Variants in NDST4 observed in about 807,000 individuals in gnomAD.
The protein encoded by NDST4 is N-heparan sulfate sulfotransferase 4.
NDST4 carries 63 observed loss-of-function variants against 100.8 expected under a neutral mutation model. The ratio of observed to expected loss-of-function variants is 0.62; its 90% CI spans 0.51 to 0.77. The LOEUF is 0.77. Among genes scored for constraint, NDST4 ranks in the 30% least tolerant of loss-of-function variants. NDST4 has a pLI of 0.00. For synonymous variants in NDST4, 377 were observed against 361.8 expected (o/e 1.04, Z -0.48); for missense variants, 943 against 1,018.4 (o/e 0.93, Z 1.01).
intron 7 of NDST4, among the ~76,000 whole-genome samples, chr4:114,868,563 C>T (rs1452597124): frequency 6.6e-6 from 1 of 151,934 alleles, no homozygotes; most frequent in Admixed American, 6.6e-5. Context: ...GAATAATTCT[C>T]CCTTTAACTT....
chr4:114,979,845 C>T (rs545822382), intron 2 of NDST4, among the ~76,000 whole-genome samples: 26 of 151,484 alleles, frequency 1.7e-4, no homozygotes, highest in African/African-American at 4.6e-4. Flanking sequence ...AAAAACAAAA[C>T]GAATGAAAAA....
chr4:115,003,736 C>T (rs1322066073), intron 2 of NDST4, among the ~76,000 whole-genome samples: 5 of 151,714 alleles, frequency 3.3e-5, no homozygotes, highest in African/African-American at 7.3e-5. Context: ...GGCACGGTGG[C>T]GGGCACCTGT....
chr4:115,011,950 A>C (rs1727556079), intron 2 of NDST4, among the ~76,000 whole-genome samples: 3 of 151,942 alleles, frequency 2.0e-5, no homozygotes, highest in African/African-American at 7.2e-5. Context: ...TAAATTTTAC[A>C]AATAGGATAC....
At chr4:114,917,156 C>A (rs1017355781) in intron 6 of NDST4, among the ~76,000 whole-genome samples, 1 of 152,024 alleles carries the variant, frequency 6.6e-6, no homozygotes, top group Non-Finnish European at 1.5e-5. Flanking sequence ...ACTTATAATA[C>A]CTAATAAAAT....
At chr4:115,052,062 A>G (rs1411833574) in intron 2 of NDST4, among the ~76,000 whole-genome samples, 1 of 152,058 alleles carries the variant, frequency 6.6e-6, no homozygotes, top group Non-Finnish European at 1.5e-5. Context: ...TATACCTGTT[A>G]GTCATTTGTA....
intron 6 of NDST4, among the ~76,000 whole-genome samples, chr4:114,918,320 A>G (rs1043512231): frequency 6.8e-6 from 1 of 147,870 alleles, no homozygotes; most frequent in Non-Finnish European, 1.5e-5. Context: ...AAGATGTTGT[A>G]AAAGTGTGTC....
At chr4:115,106,300 C>A in intron 1 of NDST4, among the ~76,000 whole-genome samples, 1 of 152,046 alleles carries the variant, frequency 6.6e-6, no homozygotes. Context: ...TTAATGCATT[C>A]TAAGTTTGTA....
At position 115,025,105 on chromosome 4, in the gene NDST4, C is replaced by A. The variant is rs191024654; in HGVS notation, c.979-47831G>T. 4.6e-5 allele frequency among the ~76,000 whole-genome samples: 7 copies of A among 152,248 alleles called. No individual in the cohort carries two copies. The East Asian group carries it at 1.4e-3, about 30-fold the overall frequency. On this transcript the variant is annotated intron_variant, in intron 2 of 13. Transcript: ENST00000264363. ...TAAATTTCTGTTCATTATAAATTAC[C>A]GAGTCTTGTTATTCTGTAATAGCAG... is the stretch of plus-strand genomic sequence containing the variant.
chr4:114,882,555 G>A (rs1724392305), intron 6 of NDST4, among the ~76,000 whole-genome samples: 1 of 151,744 alleles, frequency 6.6e-6, no homozygotes. Flanking sequence ...GAGAGGTAAA[G>A]AGAAACTTCC....
In NDST4 at chr4:114,871,370, T is replaced by C. The variant is rs139132305; in HGVS notation, c.1537-420A>G. ...ATCAGATTCAAGAAAACGTGTTTCT[T>C]TGTGGTCTAATTAAACGAATTTTAT... On this transcript the variant is annotated intron_variant, in intron 6 of 13. Coordinates refer to ENST00000264363, the MANE Select transcript of NDST4 (RefSeq NM_022569.3). 5.4e-3 allele frequency among the ~76,000 whole-genome samples: 827 copies of C among 152,222 alleles called. 1 individual carries two copies. Among genetic ancestry groups the C allele is most frequent in the Middle Eastern group, 0.024 (7 of 294 alleles).
intron 4 of NDST4, among the ~76,000 whole-genome samples, chr4:114,957,042 T>C (rs1050185010): frequency 6.6e-6 from 1 of 152,096 alleles, no homozygotes; most frequent in Non-Finnish European, 1.5e-5. Context: ...CCTGAAGACA[T>C]AGACAAAGGT....
intron 6 of NDST4, among the ~76,000 whole-genome samples, chr4:114,914,735 T>A (rs1183707017): frequency 6.6e-6 from 1 of 152,208 alleles, no homozygotes; most frequent in Non-Finnish European, 1.5e-5. Flanking sequence ...TTGTTTTTGC[T>A]TATGTTTAAG....
At chr4:114,888,733 T>A (rs2126205072) in intron 6 of NDST4, among the ~76,000 whole-genome samples, 1 of 152,258 alleles carries the variant, frequency 6.6e-6, no homozygotes, top group Non-Finnish European at 1.5e-5. Context: ...ACCTCTTTAA[T>A]TTTGTTGTCT....
intron 7 of NDST4, among the ~76,000 whole-genome samples, chr4:114,855,628 T>C (rs1449144185): frequency 1.3e-5 from 2 of 152,160 alleles, no homozygotes; most frequent in African/African-American, 2.4e-5. Flanking sequence ...GTTTCATTGG[T>C]CTATGTGTCT....
intron 1 of NDST4, among the ~76,000 whole-genome samples, chr4:115,107,502 T>A (rs2110346365): frequency 6.6e-6 from 1 of 151,254 alleles, no homozygotes; most frequent in East Asian, 1.9e-4. Flanking sequence ...GATAAAATAA[T>A]AATGTTACTC....
chr4:115,015,297 T>C (rs1727650962), intron 2 of NDST4, among the ~76,000 whole-genome samples: 1 of 152,092 alleles, frequency 6.6e-6, no homozygotes, highest in South Asian at 2.1e-4. Context: ...GATGGTTCTG[T>C]GTGAAATGCA....
intron 6 of NDST4, among the ~76,000 whole-genome samples, chr4:114,910,351 A>C (rs1297568839): frequency 6.6e-6 from 1 of 152,156 alleles, no homozygotes; most frequent in Non-Finnish European, 1.5e-5. Context: ...TATTAAGGAG[A>C]AAAAAGAGCC....
chr4:114,916,124 T>C (rs1725162771), intron 6 of NDST4, among the ~76,000 whole-genome samples: 1 of 152,174 alleles, frequency 6.6e-6, no homozygotes, highest in South Asian at 2.1e-4. Flanking sequence ...TGACAGTTTT[T>C]TGAAAGTTCT....
At chr4:115,081,079 T>G (rs960915058) in intron 1 of NDST4, among the ~76,000 whole-genome samples, 1 of 148,060 alleles carries the variant, frequency 6.8e-6, no homozygotes, top group Non-Finnish European at 1.5e-5. Flanking sequence ...CTCCTCCTAA[T>G]GCAATAGTGA....
Sources: allele counts gnomAD v4.1 joint callset (sites outside exome capture counted in the v4.1 genomes callset), GRCh38; gene constraint gnomAD v4.1.1; transcripts MANE v1.5; gene names NCBI Gene and HGNC (gene_info 2026-07-23, HGNC 2026-07-21).